JAZF1: variants seen among roughly 807,000 people sequenced by gnomAD.
JAZF1 encodes JAZF zinc finger 1.
A neutral mutation model predicts 26.4 loss-of-function variants in JAZF1; 8 were observed. The observed-to-expected ratio is 0.30, with a 90% confidence interval of 0.18 to 0.55. The LOEUF (loss-of-function observed/expected upper bound fraction) is 0.55, where lower values mean the gene tolerates loss of function less well. Ranked by LOEUF, JAZF1 falls within the 20% of genes least tolerant of loss-of-function variation. The probability of loss-of-function intolerance (pLI) is 0.94; values close to 1 mark genes in which losing one functional copy is unlikely to be tolerated. For missense variants in JAZF1, 199 were observed against 322.0 expected, an observed-to-expected ratio of 0.62 and a Z score of 2.92; for synonymous variants, 126 against 122.3, an observed-to-expected ratio of 1.03 and a Z score of -0.20.
At chr7:27,956,565 C>T (rs1785096825) in intron 2 of JAZF1, among the ~76,000 whole-genome samples, 1 of 152,210 alleles carries the variant, frequency 6.6e-6, no homozygotes, top group Non-Finnish European at 1.5e-5. Context: ...CCACTCCTAA[C>T]CAGGCCTCTC....
intron 1 of JAZF1, among the ~76,000 whole-genome samples, chr7:28,151,018 T>G (rs970246209): frequency 3.9e-5 from 6 of 152,088 alleles, no homozygotes; most frequent in Non-Finnish European, 7.4e-5. Flanking sequence ...TACATAATAA[T>G]TAATAATGTA....
intron 2 of JAZF1, among the ~76,000 whole-genome samples, chr7:27,940,136 G>A (rs1031902579): frequency 1.3e-5 from 2 of 152,136 alleles, no homozygotes; most frequent in African/African-American, 2.4e-5. Flanking sequence ...AGAGTGCTGC[G>A]CCAGCCCTGA....
At chr7:28,102,343 G>C (rs932997469) in intron 1 of JAZF1, among the ~76,000 whole-genome samples, 1 of 152,226 alleles carries the variant, frequency 6.6e-6, no homozygotes, top group Non-Finnish European at 1.5e-5. Context: ...AAGACATATT[G>C]TGAATAAAAT....
At chr7:28,120,793 C>T (rs924537392) in intron 1 of JAZF1, among the ~76,000 whole-genome samples, 3 of 152,064 alleles carry the variant, frequency 2.0e-5, no homozygotes, top group African/African-American at 7.2e-5. Flanking sequence ...TCTTTTCAAT[C>T]CTCCACTCCG....
At chr7:28,145,364 G>A (rs1426414058) in intron 1 of JAZF1, among the ~76,000 whole-genome samples, 1 of 152,106 alleles carries the variant, frequency 6.6e-6, no homozygotes, top group Admixed American at 6.6e-5. Context: ...ATGAAAACAC[G>A]CCTAAGCACA....
rs141934189 is a variant in JAZF1 at position 27,883,209 on chromosome 7, C to A, written c.385+12011G>T. Among the ~76,000 whole-genome samples the A allele has an allele frequency of 5.6e-4, 86 of 152,234 alleles. No homozygotes were observed. The East Asian group carries it at 0.015, about 27-fold the overall frequency. On this transcript the variant is annotated intron_variant, in intron 3 of 4. Coordinates refer to ENST00000283928, the MANE Select transcript of JAZF1 (RefSeq NM_175061.4). ...CTTTAAAACAACTTTACCTTGTGAT[C>A]TTTTTTGATATTTTTTTGGCCAATG...
At chr7:28,018,319 G>A (rs1782934858) in intron 1 of JAZF1, among the ~76,000 whole-genome samples, 1 of 152,206 alleles carries the variant, frequency 6.6e-6, no homozygotes, top group African/African-American at 2.4e-5. Context: ...GAAGGCAGGA[G>A]CCAGCTTTCA....
intron 2 of JAZF1, among the ~76,000 whole-genome samples, chr7:27,926,400 G>A (rs1562531058): frequency 6.6e-6 from 1 of 152,108 alleles, no homozygotes; most frequent in South Asian, 2.1e-4. Flanking sequence ...GTCCTGGCTC[G>A]CACTTTTTCC....
At chr7:27,877,483 A>G (rs1002232373) in intron 3 of JAZF1, among the ~76,000 whole-genome samples, 3 of 152,156 alleles carry the variant, frequency 2.0e-5, no homozygotes, top group African/African-American at 7.2e-5. Flanking sequence ...CTCAGGTTTT[A>G]CAGGGCCAAT....
At chr7:28,051,146 A>C (rs1178464341) in intron 1 of JAZF1, among the ~76,000 whole-genome samples, 1 of 150,050 alleles carries the variant, frequency 6.7e-6, no homozygotes, top group African/African-American at 2.5e-5. Flanking sequence ...AAAAAAAAAA[A>C]AAAAAAAAAA....
intron 2 of JAZF1, among the ~76,000 whole-genome samples, chr7:27,932,063 A>AT (rs1562532834): frequency 6.6e-6 from 1 of 152,182 alleles, no homozygotes; most frequent in Non-Finnish European, 1.5e-5. Context: ...GGCTATTTTA[A>AT]TTTTTTTAAA....
At chr7:28,089,428 T>C (rs994418507) in intron 1 of JAZF1, among the ~76,000 whole-genome samples, 1 of 152,214 alleles carries the variant, frequency 6.6e-6, no homozygotes, top group Non-Finnish European at 1.5e-5. Flanking sequence ...AGTATTCTAT[T>C]ATAATAGCCC....
chr7:28,058,466 TCTACCCCCCAGTCTC>T (rs564234984), intron 1 of JAZF1, among the ~76,000 whole-genome samples: 30 of 152,122 alleles, frequency 2.0e-4, no homozygotes, highest in Admixed American at 7.2e-4. Context: ...CTTCACTGAT[TCTACCCCCCAGTCTC>T]CTACAAGTTC....
intron 2 of JAZF1, among the ~76,000 whole-genome samples, chr7:27,942,238 A>G (rs1353170370): frequency 1.3e-5 from 2 of 152,232 alleles, no homozygotes; most frequent in Non-Finnish European, 2.9e-5. Context: ...CACCTTGCAC[A>G]ATGTCTTATG....
intron 2 of JAZF1, among the ~76,000 whole-genome samples, chr7:27,931,969 C>G (rs1393036619): frequency 6.6e-6 from 1 of 152,098 alleles, no homozygotes; most frequent in African/African-American, 2.4e-5. Flanking sequence ...TGGGTGACTT[C>G]TTGAATGTAT....
At chr7:28,142,654 G>A (rs548107625) in intron 1 of JAZF1, among the ~76,000 whole-genome samples, 12 of 152,276 alleles carry the variant, frequency 7.9e-5, no homozygotes, top group African/African-American at 2.9e-4. Flanking sequence ...TTGAACTTAT[G>A]TTGCTCACTG....
At chr7:28,159,520 G>A (rs191623626) in intron 1 of JAZF1, among the ~76,000 whole-genome samples, 11 of 151,966 alleles carry the variant, frequency 7.2e-5, no homozygotes, top group Non-Finnish European at 1.6e-4. Flanking sequence ...TGTTGAGACC[G>A]TAAGCCCTGG....
chr7:28,138,029 G>C (rs1326935356), intron 1 of JAZF1, among the ~76,000 whole-genome samples: 2 of 152,172 alleles, frequency 1.3e-5, no homozygotes, highest in African/African-American at 4.8e-5. Flanking sequence ...CTCACTCAGA[G>C]CCCTTGGTCT....
intron 3 of JAZF1, among the ~76,000 whole-genome samples, chr7:27,867,785 C>T (rs538515702): frequency 4.6e-5 from 7 of 152,330 alleles, no homozygotes; most frequent in African/African-American, 1.4e-4. Context: ...AGGTAGACAG[C>T]GTGGCTGTCA....
Sources: gnomAD v4.1 joint callset for allele counts (sites outside exome capture counted in the v4.1 genomes callset) on GRCh38, gnomAD v4.1.1 for gene constraint, MANE v1.5 for transcripts, NCBI Gene and HGNC (gene_info 2026-07-23, HGNC 2026-07-21) for gene names.